SCAP: variants seen among roughly 807,000 people sequenced by gnomAD.
SCAP encodes sterol regulatory element-binding protein cleavage-activating protein.
Under a neutral mutation model 123.6 loss-of-function variants are expected in SCAP, and 65 were observed. The ratio of observed to expected loss-of-function variants is 0.53; its 90% CI spans 0.43 to 0.65. SCAP has a LOEUF of 0.65. Ranked by LOEUF, SCAP falls within the 30% of genes least tolerant of loss-of-function variation. The pLI, the probability that SCAP is intolerant of heterozygous loss-of-function variation, is 0.00. For synonymous variants in SCAP, 740 were observed against 726.3 expected (o/e 1.02, Z -0.30); for missense variants, 1,398 against 1,712.5 (o/e 0.82, Z 3.24).
Position 47,418,735 on chromosome 3 carries a change from C to A in SCAP, c.2049G>T (p.Gly683=). The A allele has an allele frequency of 1.9e-6, 3 of 1,590,234 alleles. No individual in the cohort carries two copies. The highest frequency in any genetic ancestry group is 2.6e-6 in the Non-Finnish European group (3 of 1,168,852). The change falls in exon 14 of 23, where the codon GGG becomes GGT. Residue 683 remains glycine, a synonymous_variant. Transcript: ENST00000265565. ...CTTCCCAGTGCCCAGCAGGTATGGG[C>A]CCCGGTGGGGGCCAGGCACTGCGGC... ...QDGRSAWPPP[G]PIPAGHWEAG... is the part of the protein sequence containing the mutation.
chr3:47,466,635 C>T (rs1008163064), intron 1 of SCAP, among the ~76,000 whole-genome samples: 1 of 151,952 alleles, frequency 6.6e-6, no homozygotes, highest in East Asian at 1.9e-4. Flanking sequence ...CAAAAATTAA[C>T]TCAAAATAGA....
At chr3:47,460,291 G>A (rs911905302) in intron 1 of SCAP, among the ~76,000 whole-genome samples, 3 of 152,130 alleles carry the variant, frequency 2.0e-5, no homozygotes, top group East Asian at 1.9e-4. Context: ...ATTAAAGTAA[G>A]ACAAGCATAA....
intron 2 of SCAP, among the ~76,000 whole-genome samples, chr3:47,442,514 A>G (rs1404933565): frequency 6.6e-6 from 1 of 152,182 alleles, no homozygotes; most frequent in Non-Finnish European, 1.5e-5. Context: ...AACACACAAA[A>G]AAGGCTCTTG....
chr3:47,435,335 C>T (rs1251682687), intron 2 of SCAP, among the ~76,000 whole-genome samples, 198 bp from the exon 3 acceptor site: 3 of 152,166 alleles, frequency 2.0e-5, no homozygotes, highest in Non-Finnish European at 4.4e-5. Context: ...ATTTTAGTCA[C>T]ATAAACCTTA....
chr3:47,422,715 C>A (rs940705509), intron 9 of SCAP, 179 bp from the exon 10 acceptor site: 2 of 535,642 alleles, frequency 3.7e-6, no homozygotes, highest in African/African-American at 3.8e-5. Context: ...CTTTAAGGGG[C>A]CATCACCACC....
chr3:47,435,270 A>G lies in SCAP; in HGVS notation c.123-133T>C, dbSNP rs1302884444. On this transcript the variant is annotated intron_variant, in intron 2 of 22. Coordinates refer to ENST00000265565, the MANE Select transcript of SCAP (RefSeq NM_012235.4). ...TACAAATGTGCAAAATATTAGAATC[A>G]CAAAATTGCAAAGCTGAAACTCAGA... 3 of 1,013,760 alleles carry G rather than the reference A, an allele frequency of 3.0e-6. No homozygotes were observed. The African/African-American group carries it at 4.9e-5, about 17-fold the overall frequency. The allele number at this position is 1,013,760 out of a possible 1,614,324, so 62.8% of individuals were successfully genotyped here.
chr3:47,465,500 C>T (rs545418339), intron 1 of SCAP, among the ~76,000 whole-genome samples: 68 of 152,290 alleles, frequency 4.5e-4, no homozygotes, highest in Admixed American at 1.0e-3. Context: ...GGCACGGTGG[C>T]CCATGCCTGT....
rs1706238690 is a variant in SCAP, at chr3:47,428,614, A to C, written c.309T>G (p.Phe103Leu). 1 of 1,614,050 alleles carries C rather than the reference A, an allele frequency of 6.2e-7. No homozygotes were observed. Among genetic ancestry groups the C allele is most frequent in the South Asian group, 1.1e-5 (1 of 91,096 alleles). ...VQQIFVKSSV[F>L]PWHKNLLAVD... is the part of the protein sequence containing the mutation. ...CTGCCAGGAGGTTCTTGTGCCAGGG[A>C]AACACTGAGGACTTCACAAATATCT... The change falls in exon 4 of 23, where the codon TTT (phenylalanine) becomes TTG (leucine). Residue 103 changes from phenylalanine (F) to leucine (L), a missense_variant. Coordinates refer to ENST00000265565, the MANE Select transcript of SCAP (RefSeq NM_012235.4).
rs115332706 is a variant in SCAP at position 47,418,852 on chromosome 3, G to C, written c.1941-9C>G. 11 of 1,513,988 alleles carry C rather than the reference G, an allele frequency of 7.3e-6. No homozygotes were observed. Among genetic ancestry groups the C allele is most frequent in the South Asian group, 4.0e-5 (3 of 74,668 alleles). 93.8% of individuals were successfully genotyped at this position (1,513,988 alleles called of 1,614,324 possible). On this transcript the variant is annotated splice_polypyrimidine_tract_variant and intron_variant, in intron 13 of 22. Transcript: ENST00000265565. ...GCAGCAGGCTGATGTACCTGGATTC[G>C]GACAGTGGGCAGCCTCAGCGGGGGG...
chr3:47,432,581 T>C (rs1706410613), intron 3 of SCAP, among the ~76,000 whole-genome samples: 1 of 152,132 alleles, frequency 6.6e-6, no homozygotes, highest in African/African-American at 2.4e-5. Flanking sequence ...GTGAGTCGAG[T>C]AGGGAAGGAA....
chr3:47,418,084 G>T, intron 16 of SCAP, 50 bp downstream of exon 16: 1 of 1,390,082 alleles, frequency 7.2e-7, no homozygotes, highest in Non-Finnish European at 9.9e-7. Flanking sequence ...CGGGGGGTGG[G>T]GTGAGGGGGG....
chr3:47,419,347 T>C lies in SCAP; in HGVS notation c.1921A>G (p.Asn641Asp), dbSNP rs1289230897. The change falls in exon 13 of 23, where the codon AAC becomes GAC. Residue 641 changes from asparagine (N) to aspartate (D), a missense_variant. Asn to Asp is a conservative substitution (Grantham distance 23). This residue lies in a region of SCAP where 828 missense variants were observed against 882.5 expected (regional missense o/e 0.94). Transcript: ENST00000265565. This position sits in a 1 kb window ranked among gnomAD's most constrained non-coding sequence, Gnocchi z 5.0. Reference sequence around the variant, plus strand: ...GCTCACCTCTTGGCCAGTGTGATGTTGTAATAGCTGAAGAGCGTCGGCCAG... The same window carrying C: ...GCTCACCTCTTGGCCAGTGTGATGTCGTAATAGCTGAAGAGCGTCGGCCAG... Reference protein sequence around the residue: ...RHWPTLFSYYNITLAKRYISL... With the variant: ...RHWPTLFSYYDITLAKRYISL... 1.2e-6 allele frequency: 2 copies of C among 1,612,300 alleles called. No homozygotes were observed. The highest frequency in any genetic ancestry group is 1.7e-6 in the Non-Finnish European group (2 of 1,179,338).
chr3:47,432,520 C>T (rs769889198), intron 3 of SCAP, among the ~76,000 whole-genome samples: 1 of 152,056 alleles, frequency 6.6e-6, no homozygotes, highest in African/African-American at 2.4e-5. Flanking sequence ...TATCTGTCCC[C>T]CACATCATCC....
At chr3:47,438,772 C>G (rs977042821) in intron 2 of SCAP, among the ~76,000 whole-genome samples, 3 of 151,694 alleles carry the variant, frequency 2.0e-5, no homozygotes, top group Non-Finnish European at 4.4e-5. Context: ...CAAGATCATG[C>G]CATGCCAGTG....
chr3:47,417,654 T>C lies in SCAP; in HGVS notation c.2620A>G (p.Thr874Ala). ...GAAAAGTTGGTGTCAATTAAGCAGG[T>C]GAGGTCAGGCTGGTCCCCGAAGAGG... is the stretch of plus-strand genomic sequence containing the variant. Reference protein sequence around the residue: ...PSLFGDQPDLTCLIDTNFSAQ... With the variant: ...PSLFGDQPDLACLIDTNFSAQ... The change falls in exon 17 of 23, where the codon ACC (threonine) becomes GCC (alanine). Residue 874 changes from threonine to alanine, a missense_variant. Coordinates refer to ENST00000265565, the MANE Select transcript of SCAP (RefSeq NM_012235.4). The C allele has an allele frequency of 1.2e-6, 2 of 1,607,890 alleles. No homozygotes were observed. The highest frequency in any genetic ancestry group is 1.7e-6 in the Non-Finnish European group (2 of 1,178,188).
intron 10 of SCAP, among the ~76,000 whole-genome samples, chr3:47,421,540 A>C (rs954699469): frequency 6.6e-6 from 1 of 152,256 alleles, no homozygotes; most frequent in Non-Finnish European, 1.5e-5. Context: ...CTGCTCCCCA[A>C]GCTCTGTCAG....
intron 16 of SCAP, 37 bp downstream of exon 16, chr3:47,418,096 TG>T: frequency 7.2e-7 from 1 of 1,383,900 alleles, no homozygotes; most frequent in Non-Finnish European, 9.6e-7. Context: ...TGAGGGGGGT[TG>T]TGGGGGCACA....
chr3:47,472,561 C>G (rs1356558745), intron 1 of SCAP, among the ~76,000 whole-genome samples: 2 of 151,950 alleles, frequency 1.3e-5, no homozygotes, highest in Admixed American at 6.6e-5. Context: ...TGCTTACATA[C>G]CAACTTTGGA....
rs759843483 is a variant in SCAP at position 47,414,085 on chromosome 3, A to G, written c.3609T>C (p.Gly1203=). 6.2e-7 allele frequency: 1 copy of G among 1,613,402 alleles called. No homozygotes were observed. Among genetic ancestry groups the G allele is most frequent in the South Asian group, 1.1e-5 (1 of 91,084 alleles). Residue 1203 remains glycine, a synonymous_variant, in exon 23 of 23, where the codon GGT becomes GGC. Transcript: ENST00000265565. ...FYSIQQDLGC[G]ASLGVISDNL... is the part of the protein sequence containing the mutation. ...TGTCTGAGATGACACCCAAGCTTGC[A>G]CCACAGCCCAGGTCCTGGAGGCAAG...
Sources: allele counts gnomAD v4.1 joint callset (sites outside exome capture counted in the v4.1 genomes callset), GRCh38; gene constraint gnomAD v4.1.1; regional missense constraint gnomAD v4.1.1; non-coding constraint Gnocchi (gnomAD v3.1); transcripts MANE v1.5; gene names NCBI Gene and HGNC (gene_info 2026-07-23, HGNC 2026-07-21).